Variants in XPC observed in about 807,000 individuals in gnomAD.
The protein encoded by XPC is DNA repair protein complementing XP-C cells.
XPC carries 76 observed loss-of-function variants against 95.8 expected under a neutral mutation model. That is an observed-to-expected ratio of 0.79 (90% CI 0.66 to 0.96). The LOEUF (loss-of-function observed/expected upper bound fraction) is 0.96, where lower values mean the gene tolerates loss of function less well. XPC is among the 40% of genes least tolerant of loss of function. The pLI is 0.00. For synonymous variants in XPC, 442 were observed against 442.1 expected (o/e 1.00, Z 0.00); for missense variants, 1,146 against 1,179.8 (o/e 0.97, Z 0.42).
At chr3:14,174,005 C>G (rs1696714951) in intron 1 of XPC, among the ~76,000 whole-genome samples, 1 of 152,014 alleles carries the variant, frequency 6.6e-6, no homozygotes, top group African/African-American at 2.4e-5. Context: ...TGCTGACTCT[C>G]TGGATGGGTA....
At chr3:14,151,222 A>C (rs1559370693) in intron 11 of XPC, 1 of 152,206 alleles carries the variant, frequency 6.6e-6, no homozygotes, top group Non-Finnish European at 1.5e-5. Flanking sequence ...AATACACAGA[A>C]GATTAGAGAG....
chr3:14,165,421 G>A lies in XPC; in HGVS notation c.779+7C>T. 6.3e-7 allele frequency: 1 copy of A among 1,585,372 alleles called. No individual in the cohort carries two copies. Among genetic ancestry groups the A allele is most frequent in the Non-Finnish European group, 8.6e-7 (1 of 1,164,910 alleles). ...CCCAGCTCTGCAGGACAAGCGGAGG[G>A]CCTTACCACTTCACCAGGTTTGAGA... On this transcript the variant is annotated splice_region_variant and intron_variant, in intron 6 of 15. Transcript: ENST00000285021.
At chr3:14,153,005 A>G (rs1368440588) in intron 10 of XPC, 1 of 152,304 alleles carries the variant, frequency 6.6e-6, no homozygotes, top group Non-Finnish European at 1.5e-5. Flanking sequence ...CTAAGAGCTC[A>G]CCAAAGCCGT....
rs746805594 is a variant in XPC at position 14,158,555 on chromosome 3, G to C, written c.1328C>G (p.Ser443Cys). Residue 443 changes from serine to cysteine, a missense_variant, in exon 9 of 16, where the codon TCT becomes TGT. Coordinates refer to ENST00000285021, the MANE Select transcript of XPC (RefSeq NM_004628.5). The surrounding 1 kb of genome is among the most constrained non-coding windows in gnomAD (Gnocchi z 5.2). ...ESGSDEAGSG[S>C]DFELSSGEAS... The stretch of plus-strand genomic sequence containing the variant: ...TTCTCCACTGGAGAGCTCAAAATCA[G>C]AGCCGCTGCCAGCCTCATCACTCCC... 1.2e-6 allele frequency: 2 copies of C among 1,613,470 alleles called. No individual in the cohort carries two copies. The highest frequency in any genetic ancestry group is 3.3e-5 in the Admixed American group (2 of 60,018).
chr3:14,165,298 A>G (rs1453554856), intron 6 of XPC, 130 bp downstream of exon 6: 22 of 1,263,470 alleles, frequency 1.7e-5, no homozygotes, highest in Admixed American at 8.4e-5. Flanking sequence ...TCTATCTTCA[A>G]TGCCATGCCC....
chr3:14,150,453 C>T (rs75375352), intron 11 of XPC, among the ~76,000 whole-genome samples: 1,983 of 152,318 alleles, frequency 0.013, 44 homozygotes, highest in African/African-American at 0.044. Context: ...GATCTCTGGG[C>T]GCACCCTCTC....
chr3:14,155,337 T>C (rs1695858635), intron 10 of XPC, among the ~76,000 whole-genome samples: 2 of 152,272 alleles, frequency 1.3e-5, no homozygotes, highest in Non-Finnish European at 2.9e-5. Context: ...TTTCTTGGTC[T>C]TGTACATCCC....
At chr3:14,152,489 G>C in intron 10 of XPC, 73 bp from the exon 11 acceptor site, 3 of 1,421,882 alleles carry the variant, frequency 2.1e-6, no homozygotes, top group Non-Finnish European at 1.9e-6. Flanking sequence ...ACAGTGGAGA[G>C]CGCAGCCCTG....
In XPC at chr3:14,164,908, C is replaced by T. The variant is rs766210068; in HGVS notation, c.805G>A (p.Ala269Thr). The T allele has an allele frequency of 6.2e-7, 1 of 1,612,394 alleles. No individual in the cohort carries two copies. The highest frequency in any genetic ancestry group is 8.5e-7 in the Non-Finnish European group (1 of 1,179,180). Residue 269 changes from alanine to threonine, a missense_variant, in exon 7 of 16, where the codon GCA becomes ACA. Coordinates refer to ENST00000285021, the MANE Select transcript of XPC (RefSeq NM_004628.5). ...TCTTGTTCACTGGCTGAAAGTTCTG[C>T]ATTAACTGTAAATGTTCCAATGAAC... ...KWFIGTFTVN[A>T]ELSASEQDNL...
Position 14,164,198 on chromosome 3 carries a change from C to A in XPC, c.900+615G>T, listed in dbSNP as rs1696279283. 2.0e-5 allele frequency among the ~76,000 whole-genome samples: 3 copies of A among 152,316 alleles called. No homozygotes were observed. The South Asian group carries it at 6.2e-4, about 32-fold the overall frequency. On this transcript the variant is annotated intron_variant, in intron 7 of 15. Transcript: ENST00000285021. ...TTTTCTCCAGAGAATCTGGGACTCC[C>A]AGATTGAACTGTATGGATTAATAGG... is the stretch of plus-strand genomic sequence containing the variant.
Position 14,158,900 on chromosome 3 carries a change from A to G in XPC, c.991-8T>C. 6.2e-7 allele frequency: 1 copy of G among 1,613,768 alleles called. No homozygotes were observed. The highest frequency in any genetic ancestry group is 8.5e-7 in the Non-Finnish European group (1 of 1,179,858). ...CTTGGAAGGTTTCTTTCCCTTAAAC[A>G]GAATAAGAAATTTTGCTTTTTTTTC... On this transcript the variant is annotated splice_region_variant and splice_polypyrimidine_tract_variant and intron_variant, in intron 8 of 15. Transcript: ENST00000285021. The surrounding 1 kb of genome is among the most constrained non-coding windows in gnomAD (Gnocchi z 5.2).
At chr3:14,172,289 T>C (rs1240473539) in intron 2 of XPC, among the ~76,000 whole-genome samples, 1 of 152,022 alleles carries the variant, frequency 6.6e-6, no homozygotes, top group East Asian at 1.9e-4. Flanking sequence ...ATGGTAACAA[T>C]AACTGGCAGA....
At chr3:14,164,701 G>A in intron 7 of XPC, 112 bp downstream of exon 7, 1 of 1,102,314 alleles carries the variant, frequency 9.1e-7, no homozygotes, top group Non-Finnish European at 1.3e-6. Context: ...TCATTATGAG[G>A]ACTGAATAAG....
intron 9 of XPC, among the ~76,000 whole-genome samples, chr3:14,157,189 T>C (rs1484212245): frequency 6.6e-6 from 1 of 152,186 alleles, no homozygotes; most frequent in African/African-American, 2.4e-5. Flanking sequence ...TAACCTGTCA[T>C]TACTAAGTAA....
rs776846966 is a variant in XPC, at chr3:14,145,501, G to A, written c.*440C>T. 7 of 698,352 alleles carry A rather than the reference G, an allele frequency of 1.0e-5. No homozygotes were observed. The highest frequency in any genetic ancestry group is 1.5e-5 in the South Asian group (1 of 67,466). The allele number at this position is 698,352 out of a possible 1,614,324, so 43.3% of individuals were successfully genotyped here. ...ATGGTCCTAGGTCCGCAACCGAGGCGAGTGAACTTGTCGGACAGATGAAGA... is the reference window on the plus strand; with the variant it reads ...ATGGTCCTAGGTCCGCAACCGAGGCAAGTGAACTTGTCGGACAGATGAAGA... On this transcript the variant is annotated 3_prime_UTR_variant, in exon 16 of 16. Transcript: ENST00000285021.
intron 10 of XPC, among the ~76,000 whole-genome samples, chr3:14,153,861 TC>T: frequency 6.6e-6 from 1 of 152,300 alleles, no homozygotes; most frequent in East Asian, 1.9e-4. Context: ...GAGCAGCGCT[TC>T]TGCCAGTAGC....
At position 14,146,134 on chromosome 3, in the gene XPC, T is replaced by A; in HGVS notation, c.2630A>T (p.Asp877Val). Residue 877 changes from aspartate (D) to valine (V), a missense_variant, in exon 16 of 16, where the codon GAT becomes GTT. Asp to Val is a radical substitution (Grantham distance 152). Coordinates refer to ENST00000285021, the MANE Select transcript of XPC (RefSeq NM_004628.5). ...PKSEAAAPHT[D>V]AGGGLSSDEE... is the part of the protein sequence containing the mutation. ...ATCAGAAGAGAGTCCACCTCCTGCA[T>A]CTGTGTGGGGAGCTGCTGCCTCACT... The A allele has an allele frequency of 2.5e-6, 4 of 1,610,540 alleles. No individual in the cohort carries two copies. The highest frequency in any genetic ancestry group is 3.4e-6 in the Non-Finnish European group (4 of 1,179,018).
intron 14 of XPC, 176 bp from the exon 15 acceptor site, chr3:14,147,555 A>C: frequency 1.5e-6 from 1 of 667,238 alleles, no homozygotes; most frequent in Non-Finnish European, 2.5e-6. Flanking sequence ...GTGATATACT[A>C]TACCTGAAAG....
In XPC at chr3:14,170,493, A is replaced by G. The variant is rs745485468; in HGVS notation, c.357T>C (p.Asn119=). The G allele has an allele frequency of 3.0e-5, 48 of 1,613,708 alleles. No individual in the cohort carries two copies. The South Asian group carries it at 4.6e-4, about 16-fold the overall frequency. The change falls in exon 3 of 16, where the codon AAT becomes AAC. Residue 119 remains asparagine (N), a synonymous_variant. Transcript: ENST00000285021. ...AHHLKRGATM[N]EDSNEEEEES... ...CTTCCTCTTCTTCATTGCTGTCTTC[A>G]TTCATGGTAGCCCCTCTCTTCAGAT...
Sources: gnomAD v4.1 joint callset for allele counts (sites outside exome capture counted in the v4.1 genomes callset) on GRCh38, gnomAD v4.1.1 for gene constraint, Gnocchi (gnomAD v3.1) non-coding constraint, MANE v1.5 for transcripts, NCBI Gene and HGNC (gene_info 2026-07-23, HGNC 2026-07-21) for gene names.